The following PCDH11X variants were observed in gnomAD, a reference collection of about 807,000 sequenced individuals.
PCDH11X encodes the protein protocadherin 11 X-linked, also known as protocadherin-11 X-linked.
PCDH11X carries 18 observed loss-of-function variants against 53.3 expected under a neutral mutation model. The observed-to-expected ratio is 0.34, with a 90% CI of 0.23 to 0.50. PCDH11X has a LOEUF of 0.50. PCDH11X is among the 20% of genes least tolerant of loss of function. The probability of loss-of-function intolerance (pLI) is 0.98; values close to 1 mark genes in which losing one functional copy is unlikely to be tolerated. For missense variants in PCDH11X, 570 were observed against 1,032.4 expected (o/e 0.55, Z 6.14); for synonymous variants, 279 against 393.3 (o/e 0.71, Z 3.44).
intron 8 of PCDH11X, among the ~76,000 whole-genome samples, chrX:92,358,246 A>C (rs1603286717): frequency 2.0e-5 from 2 of 100,383 alleles, no homozygotes; most frequent in East Asian, 6.4e-4. Flanking sequence ...TTAGATACAG[A>C]TGGTCATTGA....
chrX:91,990,352 T>A (rs2062301667), intron 6 of PCDH11X, among the ~76,000 whole-genome samples: 1 of 105,229 alleles, frequency 9.5e-6, no homozygotes, highest in Admixed American at 1.0e-4. Flanking sequence ...TCTATTTTTT[T>A]TTTTCATTTG....
intron 6 of PCDH11X, among the ~76,000 whole-genome samples, chrX:92,045,132 A>G (rs1477092468): frequency 4.7e-5 from 5 of 106,753 alleles, no homozygotes; most frequent in Non-Finnish European, 7.6e-5. Flanking sequence ...TGCTCTAATA[A>G]ATGAATTAGG....
At chrX:91,929,546 T>C (rs1461734071) in intron 6 of PCDH11X, among the ~76,000 whole-genome samples, 1 of 111,088 alleles carries the variant, frequency 9.0e-6, no homozygotes, top group African/African-American at 3.3e-5. Context: ...CCAGGAATTT[T>C]GTTTTAACTA....
chrX:92,064,855 G>C, intron 6 of PCDH11X, among the ~76,000 whole-genome samples: 1 of 102,042 alleles, frequency 9.8e-6, no homozygotes, highest in Non-Finnish European at 1.9e-5. Context: ...CTGGGAAAGC[G>C]GGTAGCTTCT....
chrX:92,297,777 G>A (rs1026134742), intron 8 of PCDH11X, among the ~76,000 whole-genome samples: 1 of 110,297 alleles, frequency 9.1e-6, no homozygotes, highest in Non-Finnish European at 1.9e-5. Flanking sequence ...CTATCCATTA[G>A]CATGGAATGC....
rs144555360 is a variant in PCDH11X at position 92,191,788 on chromosome X, C to G, written c.3034-9587C>G. ...TTAATTCTTTACTCTTGAGTTTACA[C>G]TGACAAAGCCAAGTTCTCATGATAA... is the stretch of plus-strand genomic sequence containing the variant. On this transcript the variant is annotated intron_variant, in intron 6 of 10. Coordinates refer to ENST00000682573, the MANE Select transcript of PCDH11X (RefSeq NM_032968.5). Among the ~76,000 whole-genome samples the G allele has an allele frequency of 4.6e-3, 511 of 112,118 alleles. 1 individual carries two copies. The highest frequency in any genetic ancestry group is 0.016 in the African/African-American group (492 of 30,890).
intron 6 of PCDH11X, among the ~76,000 whole-genome samples, chrX:91,886,737 C>T (rs1004486960): frequency 5.5e-5 from 6 of 109,186 alleles, no homozygotes; most frequent in Admixed American, 9.9e-5. Context: ...TTTGGGAGGC[C>T]AAGGCGGGAG....
intron 4 of PCDH11X, among the ~76,000 whole-genome samples, chrX:91,816,543 C>T (rs375083280): frequency 4.5e-5 from 5 of 111,017 alleles, no homozygotes; most frequent in African/African-American, 6.5e-5. Context: ...TATGATAATA[C>T]GAAAAGTGTT....
At chrX:91,823,149 T>G (rs367616729) in intron 4 of PCDH11X, among the ~76,000 whole-genome samples, 1 of 110,426 alleles carries the variant, frequency 9.1e-6, no homozygotes, top group Non-Finnish European at 1.9e-5. Flanking sequence ...ATGTATATTC[T>G]GTTGATTTGG....
chrX:92,065,073 G>A (rs1383962370), intron 6 of PCDH11X, among the ~76,000 whole-genome samples: 4 of 100,865 alleles, frequency 4.0e-5, no homozygotes, highest in Non-Finnish European at 7.8e-5. Context: ...CCTGAGGGTG[G>A]ATCCCTGGGG....
chrX:92,350,974 G>C, intron 8 of PCDH11X, among the ~76,000 whole-genome samples: 1 of 111,772 alleles, frequency 8.9e-6, no homozygotes. Context: ...CTTCCTCTAG[G>C]ATTTTCATTT....
chrX:92,146,953 C>T (rs1362760789), intron 6 of PCDH11X, among the ~76,000 whole-genome samples: 2 of 110,480 alleles, frequency 1.8e-5, no homozygotes, highest in Non-Finnish European at 3.8e-5. Context: ...GAGCCGAGAT[C>T]GCACCACTGC....
In PCDH11X at chrX:92,575,905, GTATATATATATATATATATATA is replaced by G. The variant is rs58574424; in HGVS notation, c.3368-42340_3368-42319del. Among the ~76,000 whole-genome samples the G allele has an allele frequency of 2.9e-3, 74 of 25,831 alleles. 2 individuals are homozygous for G. Among genetic ancestry groups the G allele is most frequent in the South Asian group, 4.9e-3 (1 of 204 alleles). 22.4% of individuals were successfully genotyped at this position (25,831 alleles called of 115,157 possible). A position where few individuals can be genotyped will look rare whatever the true frequency, so the allele number is the denominator to read the frequency against. On this transcript the variant is annotated intron_variant, in intron 10 of 10. Coordinates refer to ENST00000682573, the MANE Select transcript of PCDH11X (RefSeq NM_032968.5). Reference sequence around the variant, plus strand: ...CGGAATTTTGTAGGTTACCTGGTGTGTATATATATATATATATATATATATATATATATATATATACACACAC... The same window carrying G: ...CGGAATTTTGTAGGTTACCTGGTGTGTATATATATATATATATACACACAC...
chrX:92,568,193 G>A (rs754760746), intron 10 of PCDH11X, among the ~76,000 whole-genome samples: 11 of 109,960 alleles, frequency 1.0e-4, no homozygotes, highest in Admixed American at 2.9e-4. Flanking sequence ...AGGCCAAGGC[G>A]GGCAGATCAC....
chrX:92,552,337 T>A lies in PCDH11X; in HGVS notation c.3368-65927T>A, dbSNP rs181522766. 1.8e-4 allele frequency among the ~76,000 whole-genome samples: 20 copies of A among 108,418 alleles called. No homozygotes were observed. In the East Asian group the frequency reaches 3.7e-3, roughly 20 times the overall value. The allele number at this position is 108,418 out of a possible 115,157, so 94.1% of individuals were successfully genotyped here. ...TGGGATAACCTTTTAAAATTTCTCT[T>A]ACAGATTGTTCCTTGTTGGCATATA... is the stretch of plus-strand genomic sequence containing the variant. On this transcript the variant is annotated intron_variant, in intron 10 of 10. Coordinates refer to ENST00000682573, the MANE Select transcript of PCDH11X (RefSeq NM_032968.5).
At chrX:91,935,289 C>T (rs780385730) in intron 6 of PCDH11X, among the ~76,000 whole-genome samples, 193 of 104,695 alleles carry the variant, frequency 1.8e-3, no homozygotes, top group African/African-American at 6.5e-3. Flanking sequence ...AAATGTCTTA[C>T]TAGAGAAGAC....
chrX:92,147,984 C>CCTTCCTTCCTTCCTTTCTTT (rs1396586818), intron 6 of PCDH11X, among the ~76,000 whole-genome samples: 1 of 72,103 alleles, frequency 1.4e-5, no homozygotes, highest in African/African-American at 7.9e-5. Context: ...TTCCTTCCTT[C>CCTTCCTTCCTTCCTTTCTTT]CTTTCTTTCT....
At chrX:91,942,046 G>C (rs1465037834) in intron 6 of PCDH11X, among the ~76,000 whole-genome samples, 3 of 109,838 alleles carry the variant, frequency 2.7e-5, no homozygotes, top group Non-Finnish European at 5.7e-5. Flanking sequence ...CAGGAAATAG[G>C]GGGAAATTTA....
chrX:92,436,085 G>T (rs1206174858), intron 9 of PCDH11X, among the ~76,000 whole-genome samples: 1 of 109,767 alleles, frequency 9.1e-6, no homozygotes, highest in East Asian at 2.8e-4. Context: ...TCAACAAAGG[G>T]CTAATATCCA....
Sources: gnomAD v4.1 joint callset for allele counts (sites outside exome capture counted in the v4.1 genomes callset) on GRCh38, gnomAD v4.1.1 for gene constraint, MANE v1.5 for transcripts, NCBI Gene and HGNC (gene_info 2026-07-23, HGNC 2026-07-21) for gene names.